ICA1: variants seen among roughly 807,000 people sequenced by gnomAD.
ICA1 encodes islet cell autoantigen 1, also known as 69 kDa islet cell autoantigen.
ICA1 carries 40 observed loss-of-function variants against 71.0 expected under a neutral mutation model. That is an observed-to-expected ratio of 0.56 (90% confidence interval 0.44 to 0.73). The LOEUF (loss-of-function observed/expected upper bound fraction) is 0.73, where lower values mean the gene tolerates loss of function less well. Among genes scored for constraint, ICA1 ranks in the 30% least tolerant of loss-of-function variants. The pLI is 0.00. For synonymous variants in ICA1, 207 were observed against 209.5 expected (o/e 0.99, Z 0.10); for missense variants, 578 against 576.5 (o/e 1.00, Z -0.03).
intron 6 of ICA1, among the ~76,000 whole-genome samples, chr7:8,207,832 C>T (rs1217168597): frequency 6.6e-6 from 1 of 152,194 alleles, no homozygotes; most frequent in Non-Finnish European, 1.5e-5. Flanking sequence ...TGAATGGAAA[C>T]TACCAGTTTT....
intron 12 of ICA1, among the ~76,000 whole-genome samples, chr7:8,133,890 TC>T: frequency 6.9e-6 from 1 of 143,958 alleles, no homozygotes; most frequent in African/African-American, 2.6e-5. Flanking sequence ...ATCTTAGAGA[TC>T]ATCTCCTCTA....
At chr7:8,184,444 A>C (rs1056364533) in intron 6 of ICA1, among the ~76,000 whole-genome samples, 10 of 152,140 alleles carry the variant, frequency 6.6e-5, no homozygotes, top group African/African-American at 2.4e-4. Context: ...TAACAGCTGA[A>C]TTCATATCAT....
At chr7:8,253,723 A>G (rs1809026073) in intron 1 of ICA1, among the ~76,000 whole-genome samples, 1 of 152,222 alleles carries the variant, frequency 6.6e-6, no homozygotes, top group African/African-American at 2.4e-5. Context: ...TCATATACAT[A>G]CATGGGTTCT....
intron 8 of ICA1, among the ~76,000 whole-genome samples, chr7:8,153,897 T>C (rs1800574746): frequency 6.7e-6 from 1 of 149,756 alleles, no homozygotes; most frequent in African/African-American, 2.4e-5. Context: ...GTTTGTTGTG[T>C]GAAAATACAA....
At chr7:8,259,300 C>A (rs1287386889) in intron 1 of ICA1, among the ~76,000 whole-genome samples, 4 of 152,174 alleles carry the variant, frequency 2.6e-5, no homozygotes, top group Non-Finnish European at 1.5e-5. Flanking sequence ...CCACATGCTA[C>A]TGGTCCATGG....
intron 6 of ICA1, among the ~76,000 whole-genome samples, chr7:8,169,383 G>A (rs1261331961): frequency 6.6e-6 from 1 of 152,040 alleles, no homozygotes; most frequent in African/African-American, 2.4e-5. Flanking sequence ...ATGTCTAAGG[G>A]CAGGATTGCT....
At chr7:8,248,840 A>C (rs887208616) in intron 1 of ICA1, among the ~76,000 whole-genome samples, 3 of 152,182 alleles carry the variant, frequency 2.0e-5, no homozygotes, top group Non-Finnish European at 4.4e-5. Flanking sequence ...TCATTCCTAA[A>C]CACCAGCTTC....
At chr7:8,135,003 A>C (rs1420671668) in intron 12 of ICA1, among the ~76,000 whole-genome samples, 1 of 149,234 alleles carries the variant, frequency 6.7e-6, no homozygotes, top group East Asian at 2.0e-4. Context: ...GGCAGGGATA[A>C]ATATTTATAG....
chr7:8,144,906 G>C lies in ICA1; in HGVS notation c.805-934C>G, dbSNP rs1796364738. On this transcript the variant is annotated intron_variant, in intron 8 of 13. Coordinates refer to ENST00000402384, the MANE Select transcript of ICA1 (RefSeq NM_001136020.3). The surrounding 1 kb of genome is among the most constrained non-coding windows in gnomAD (Gnocchi z 4.5). ...TCCTTCTCCTGCCTATCGTTCACTT[G>C]TCTGACACACATAGGAGGCAATCAG... 1.3e-5 allele frequency among the ~76,000 whole-genome samples: 2 copies of C among 152,054 alleles called. No individual in the cohort carries two copies. Among genetic ancestry groups the C allele is most frequent in the African/African-American group, 4.8e-5 (2 of 41,384 alleles).
chr7:8,215,350 T>C (rs1795068897), intron 6 of ICA1, among the ~76,000 whole-genome samples: 1 of 152,178 alleles, frequency 6.6e-6, no homozygotes, highest in Non-Finnish European at 1.5e-5. Flanking sequence ...CTACTCCTTC[T>C]ACCCAGCTCT....
intron 6 of ICA1, among the ~76,000 whole-genome samples, chr7:8,197,502 C>T (rs1031506986): frequency 3.6e-5 from 5 of 139,088 alleles, no homozygotes; most frequent in African/African-American, 1.4e-4. Context: ...GCAGTGATCA[C>T]ACCACTGCAC....
chr7:8,137,034 A>T (rs1793667232), intron 12 of ICA1, among the ~76,000 whole-genome samples: 1 of 151,786 alleles, frequency 6.6e-6, no homozygotes, highest in African/African-American at 2.4e-5. Context: ...AAAAAATTAA[A>T]TTCTAAAGCC....
Position 8,113,746 on chromosome 7 carries a change from C to T in ICA1, c.*177G>A, listed in dbSNP as rs1438509584. ...GATCCACATAGAGATACACGAAAACCCTTTATACCAAATAAGAGTAAATAA... is the reference window on the plus strand; with the variant it reads ...GATCCACATAGAGATACACGAAAACTCTTTATACCAAATAAGAGTAAATAA... On this transcript the variant is annotated 3_prime_UTR_variant, in exon 14 of 14. Transcript: ENST00000402384. This position sits in a 1 kb window ranked among gnomAD's most constrained non-coding sequence, Gnocchi z 4.2. 1.5e-6 allele frequency: 1 copy of T among 650,500 alleles called. No homozygotes were observed. The highest frequency in any genetic ancestry group is 2.6e-6 in the Non-Finnish European group (1 of 389,544). The allele number at this position is 650,500 out of a possible 1,614,324, so 40.3% of individuals were successfully genotyped here. A position where few individuals can be genotyped will look rare whatever the true frequency, so the allele number is the denominator to read the frequency against.
At chr7:8,220,266 G>A (rs1796650674) in intron 5 of ICA1, among the ~76,000 whole-genome samples, 2 of 152,170 alleles carry the variant, frequency 1.3e-5, no homozygotes, top group Admixed American at 6.5e-5. Context: ...ATGTCATCAG[G>A]AAGAACCAAA....
chr7:8,133,327 C>T (rs1490247917), intron 12 of ICA1, among the ~76,000 whole-genome samples: 1 of 152,192 alleles, frequency 6.6e-6, no homozygotes, highest in African/African-American at 2.4e-5. Flanking sequence ...TAGAGTCTCA[C>T]TCTGTCATCC....
At chr7:8,186,773 T>C (rs1426796509) in intron 6 of ICA1, among the ~76,000 whole-genome samples, 1 of 152,186 alleles carries the variant, frequency 6.6e-6, no homozygotes, top group Non-Finnish European at 1.5e-5. Context: ...ATGGGTTCCA[T>C]TACATATAAG....
chr7:8,228,295 TTA>T (rs1491302227), intron 4 of ICA1, among the ~76,000 whole-genome samples: 2 of 109,850 alleles, frequency 1.8e-5, no homozygotes, highest in African/African-American at 2.4e-4. Flanking sequence ...GATAATCACA[TTA>T]AAAAAAAACC....
intron 6 of ICA1, among the ~76,000 whole-genome samples, chr7:8,164,541 T>A (rs1304136179): frequency 1.3e-5 from 2 of 152,010 alleles, no homozygotes; most frequent in African/African-American, 4.8e-5. Context: ...CACCAGCCAG[T>A]TCTACTCACA....
chr7:8,180,128 A>G (rs1781768038), intron 6 of ICA1, among the ~76,000 whole-genome samples: 1 of 152,070 alleles, frequency 6.6e-6, no homozygotes, highest in Non-Finnish European at 1.5e-5. Context: ...CACCACCCAG[A>G]AAAACATACC....
Sources: allele counts gnomAD v4.1 joint callset (sites outside exome capture counted in the v4.1 genomes callset), GRCh38; gene constraint gnomAD v4.1.1; non-coding constraint Gnocchi (gnomAD v3.1); transcripts MANE v1.5; gene names NCBI Gene and HGNC (gene_info 2026-07-23, HGNC 2026-07-21).